Variants in CRPPA observed in about 807,000 individuals in gnomAD.
The protein encoded by CRPPA is CDP-L-ribitol pyrophosphorylase A.
Under a neutral mutation model 52.0 loss-of-function variants are expected in CRPPA, and 43 were observed. That is an observed-to-expected ratio of 0.83 (90% CI 0.65 to 1.07). The LOEUF (loss-of-function observed/expected upper bound fraction) is 1.07. Ranked by LOEUF, CRPPA falls within the 50% of genes least tolerant of loss-of-function variation. The pLI is 0.00. For synonymous variants in CRPPA, 250 were observed against 203.5 expected, an observed-to-expected ratio of 1.23 and a Z score of -1.94; for missense variants, 629 against 551.7, an observed-to-expected ratio of 1.14 and a Z score of -1.40.
chr7:16,154,973 CTTT>C (rs11363510), intron 9 of CRPPA, among the ~76,000 whole-genome samples: 13 of 126,994 alleles, frequency 1.0e-4, no homozygotes, highest in Admixed American at 1.6e-4. Flanking sequence ...CTAATTTTTT[CTTT>C]TTTTTTTTTT....
At chr7:16,119,619 A>C (rs2128369391) in intron 9 of CRPPA, among the ~76,000 whole-genome samples, 1 of 152,304 alleles carries the variant, frequency 6.6e-6, no homozygotes, top group East Asian at 1.9e-4. Flanking sequence ...AAGGACCCAA[A>C]AGTCTGAACG....
At chr7:16,161,118 G>A (rs1783295088) in intron 9 of CRPPA, among the ~76,000 whole-genome samples, 1 of 152,134 alleles carries the variant, frequency 6.6e-6, no homozygotes, top group Non-Finnish European at 1.5e-5. Flanking sequence ...ATACAATCAT[G>A]TCATCTACAA....
At chr7:16,150,883 C>T (rs532379907) in intron 9 of CRPPA, among the ~76,000 whole-genome samples, 1 of 152,256 alleles carries the variant, frequency 6.6e-6, no homozygotes, top group South Asian at 2.1e-4. Context: ...TTATAAGAAA[C>T]CCACTCCCAT....
intron 2 of CRPPA, among the ~76,000 whole-genome samples, chr7:16,391,145 C>T (rs1787432366): frequency 1.3e-5 from 2 of 152,124 alleles, no homozygotes; most frequent in Non-Finnish European, 2.9e-5. Flanking sequence ...TCTACTGCAA[C>T]AAATTGAACT....
chr7:16,315,451 G>T (rs1307981282), intron 3 of CRPPA, among the ~76,000 whole-genome samples: 1 of 152,122 alleles, frequency 6.6e-6, no homozygotes, highest in East Asian at 1.9e-4. Flanking sequence ...AGGTAAATCG[G>T]ACTTGTACTT....
chr7:16,166,306 G>C (rs1306488477), intron 9 of CRPPA, among the ~76,000 whole-genome samples: 3 of 151,588 alleles, frequency 2.0e-5, no homozygotes, highest in African/African-American at 7.3e-5. Context: ...TTGAGATAGA[G>C]TCTTGCTCTG....
At chr7:16,143,151 C>T (rs1289467662) in intron 9 of CRPPA, among the ~76,000 whole-genome samples, 3 of 152,160 alleles carry the variant, frequency 2.0e-5, no homozygotes, top group Non-Finnish European at 4.4e-5. Flanking sequence ...TTACCACCAT[C>T]ACCATTATTA....
In CRPPA at chr7:16,406,132, G is replaced by A. The variant is rs889369918; in HGVS notation, c.463C>T (p.His155Tyr). 16 of 1,613,820 alleles carry A rather than the reference G, an allele frequency of 9.9e-6. No homozygotes were observed. Among genetic ancestry groups the A allele is most frequent in the Middle Eastern group, 1.6e-4 (1 of 6,084 alleles). Residue 155 changes from histidine (H) to tyrosine (Y), a missense_variant, in exon 2 of 10, where the codon CAT (histidine) becomes TAT (tyrosine). By Grantham distance (83) the His-to-Tyr change is moderately conservative (BLOSUM62 2). Transcript: ENST00000407010. The stretch of plus-strand genomic sequence containing the variant: ...TCAACAAATGGTCTCACAGCATCAT[G>A]GATAATCACTACTTCTGGCTTAGAG... ...KLSKPEVVII[H>Y]DAVRPFVEEG...
At position 16,132,759 on chromosome 7, in the gene CRPPA, C is replaced by T. The variant is rs181083949; in HGVS notation, c.1252-40960G>A. 1.1e-3 allele frequency among the ~76,000 whole-genome samples: 130 copies of T among 123,138 alleles called. 37 individuals are homozygous for T. Among genetic ancestry groups the T allele is most frequent in the Non-Finnish European group, 1.6e-3 (86 of 54,138 alleles). The allele number at this position is 123,138 out of a possible 152,430, so 80.8% of individuals were successfully genotyped here. A position where few individuals can be genotyped will look rare whatever the true frequency, so the allele number is the denominator to read the frequency against. The stretch of plus-strand genomic sequence containing the variant: ...GGCAAACATTGTAGCCTAGAAATAC[C>T]AAAAAAATAAAAAGTTAGGTATGTC... On this transcript the variant is annotated intron_variant, in intron 9 of 9. Transcript: ENST00000407010.
At chr7:16,239,137 C>CAAAAATAAAA (rs1783032617) in intron 8 of CRPPA, among the ~76,000 whole-genome samples, 1 of 88,526 alleles carries the variant, frequency 1.1e-5, no homozygotes, top group Non-Finnish European at 2.2e-5. Context: ...GACTCTGTCT[C>CAAAAATAAAA]AAAAAAAAAA....
rs368521163 is a variant in CRPPA at position 16,342,763 on chromosome 7, C to CAAAAAAAAAA, written c.684+33319_684+33328dup. Among the ~76,000 whole-genome samples, 41 of 64,948 alleles carry CAAAAAAAAAA rather than the reference C, an allele frequency of 6.3e-4. 4 individuals carry two copies. The highest frequency in any genetic ancestry group is 1.9e-3 in the African/African-American group (32 of 16,768). The allele number at this position is 64,948 out of a possible 152,430, so 42.6% of individuals were successfully genotyped here. On this transcript the variant is annotated intron_variant, in intron 3 of 9. Coordinates refer to ENST00000407010, the MANE Select transcript of CRPPA (RefSeq NM_001101426.4). ...GGCAACAGGATGAACCCTGTCTCCACAAAAAAAAAAAAAAAAAAAATATAT... is the reference window on the plus strand; with the variant it reads ...GGCAACAGGATGAACCCTGTCTCCACAAAAAAAAAAAAAAAAAAAAAAAAAAAAAATATAT...
chr7:16,259,929 G>C (rs554791777), intron 6 of CRPPA, among the ~76,000 whole-genome samples: 108 of 151,998 alleles, frequency 7.1e-4, no homozygotes, highest in African/African-American at 2.3e-3. Context: ...AAGTTTTCAA[G>C]GTCTTAGCTT....
intron 9 of CRPPA, among the ~76,000 whole-genome samples, chr7:16,102,391 G>A (rs1341377568): frequency 1.3e-5 from 2 of 152,038 alleles, no homozygotes; most frequent in Non-Finnish European, 2.9e-5. Context: ...CAGGACACAG[G>A]CATGGGCAAA....
chr7:16,346,897 C>T (rs753694310), intron 3 of CRPPA, among the ~76,000 whole-genome samples: 2 of 151,962 alleles, frequency 1.3e-5, no homozygotes, highest in African/African-American at 4.8e-5. Flanking sequence ...GTGTATAACC[C>T]TCAGTAAAGG....
chr7:16,117,683 G>C (rs1313475007), intron 9 of CRPPA, among the ~76,000 whole-genome samples: 1 of 152,200 alleles, frequency 6.6e-6, no homozygotes, highest in African/African-American at 2.4e-5. Flanking sequence ...AATCCAGGTT[G>C]TACAATCCAA....
At chr7:16,347,592 C>T (rs1786046346) in intron 3 of CRPPA, among the ~76,000 whole-genome samples, 1 of 152,092 alleles carries the variant, frequency 6.6e-6, no homozygotes, top group Non-Finnish European at 1.5e-5. Flanking sequence ...CCAGATTCCC[C>T]CTTCACCCAT....
intron 8 of CRPPA, among the ~76,000 whole-genome samples, chr7:16,257,342 T>C (rs1783671815): frequency 6.6e-6 from 1 of 152,102 alleles, no homozygotes; most frequent in Admixed American, 6.6e-5. Context: ...CTTATCTCTA[T>C]CCTACAGAGC....
At chr7:16,348,981 G>C (rs1416805531) in intron 3 of CRPPA, among the ~76,000 whole-genome samples, 1 of 152,182 alleles carries the variant, frequency 6.6e-6, no homozygotes, top group Non-Finnish European at 1.5e-5. Flanking sequence ...ACATATAACA[G>C]GACCCCTTCC....
Position 16,301,408 on chromosome 7 carries a change from A to G in CRPPA, c.835+13T>C. The G allele has an allele frequency of 6.2e-7, 1 of 1,609,546 alleles. No individual in the cohort carries two copies. The highest frequency in any genetic ancestry group is 8.5e-7 in the Non-Finnish European group (1 of 1,176,630). On this transcript the variant is annotated intron_variant, in intron 5 of 9. Coordinates refer to ENST00000407010, the MANE Select transcript of CRPPA (RefSeq NM_001101426.4). ...TGAAACACAGGAACTGACAGTCATA[A>G]GGCCAAACATACCCTTAATAATCGA...
Sources: allele counts gnomAD v4.1 joint callset (sites outside exome capture counted in the v4.1 genomes callset), GRCh38; gene constraint gnomAD v4.1.1; transcripts MANE v1.5; gene names NCBI Gene and HGNC (gene_info 2026-07-23, HGNC 2026-07-21).